Variants in SH3BGR observed in about 807,000 individuals in gnomAD.
SH3BGR encodes the protein SH3 domain-binding glutamic acid-rich protein.
Under a neutral mutation model 24.5 loss-of-function variants are expected in SH3BGR, and 29 were observed. That is an observed-to-expected ratio of 1.18 (90% confidence interval 0.88 to 1.61). The LOEUF is 1.61. Among genes scored for constraint, SH3BGR ranks in the 40% most tolerant of loss-of-function variants. SH3BGR has a pLI of 0.00. For missense variants in SH3BGR, 162 were observed against 205.8 expected (o/e 0.79, Z 1.30); for synonymous variants, 55 against 65.7 (o/e 0.84, Z 0.79).
At chr21:39,453,780 GA>G (rs1254851235) in intron 1 of SH3BGR, among the ~76,000 whole-genome samples, 2 of 152,222 alleles carry the variant, frequency 1.3e-5, no homozygotes, top group African/African-American at 4.8e-5. Flanking sequence ...ATGAGGATAA[GA>G]ATAGTGCCTA....
At chr21:39,510,728 A>T (rs2078672976) in intron 5 of SH3BGR, among the ~76,000 whole-genome samples, 1 of 151,740 alleles carries the variant, frequency 6.6e-6, no homozygotes. Flanking sequence ...ATAGAATTTT[A>T]AAAATAAGAT....
At chr21:39,487,769 C>T (rs902032147) in intron 3 of SH3BGR, among the ~76,000 whole-genome samples, 13 of 152,134 alleles carry the variant, frequency 8.5e-5, no homozygotes, top group African/African-American at 2.7e-4. Context: ...ATTCATTTTC[C>T]GGTATCACTA....
At chr21:39,448,449 C>G (rs555301556), upstream of SH3BGR, among the ~76,000 whole-genome samples, 1 of 152,186 alleles carries the variant, frequency 6.6e-6, no homozygotes, top group African/African-American at 2.4e-5. Context: ...AGCCCAGTAC[C>G]TCATGTCTTT....
intron 3 of SH3BGR, among the ~76,000 whole-genome samples, chr21:39,476,835 C>T (rs756708923): frequency 3.9e-5 from 6 of 152,124 alleles, no homozygotes; most frequent in Non-Finnish European, 7.4e-5. Context: ...AATTTTCTAT[C>T]CTTGGTCAAT....
intron 2 of SH3BGR, among the ~76,000 whole-genome samples, chr21:39,465,308 C>T (rs1273889349): frequency 6.6e-6 from 1 of 152,178 alleles, no homozygotes; most frequent in Non-Finnish European, 1.5e-5. Context: ...CACAGGAGGG[C>T]TCTGTACTTG....
intron 3 of SH3BGR, chr21:39,491,461 A>AT (rs2078298460): frequency 1.1e-5 from 2 of 178,610 alleles, no homozygotes; most frequent in South Asian, 1.0e-4. Flanking sequence ...CCCCATTTCA[A>AT]TTTTTATTAT....
chr21:39,455,904 G>C lies in SH3BGR; in HGVS notation c.45+3763G>C, dbSNP rs544080269. Among the ~76,000 whole-genome samples the C allele has an allele frequency of 1.5e-3, 230 of 152,224 alleles. 1 individual carries two copies. The highest frequency in any genetic ancestry group is 5.4e-3 in the African/African-American group (223 of 41,542). On this transcript the variant is annotated intron_variant, in intron 1 of 6. Transcript: ENST00000333634. ...TCTTTTTCTCCTTTTTTGGGGATGA[G>C]GGCTGAGAAATGGCACTTAACACAA...
At chr21:39,495,206 T>C (rs527826545) in intron 3 of SH3BGR, among the ~76,000 whole-genome samples, 46 of 152,156 alleles carry the variant, frequency 3.0e-4, no homozygotes, top group African/African-American at 1.0e-3. Context: ...TCATTGGTTG[T>C]TTTTTTCTCT....
intron 4 of SH3BGR, among the ~76,000 whole-genome samples, chr21:39,507,464 GC>G (rs1459271243): frequency 1.3e-5 from 2 of 152,018 alleles, no homozygotes; most frequent in Non-Finnish European, 2.9e-5. Context: ...CTCCCAAGTA[GC>G]TGGGATTACA....
intron 5 of SH3BGR, among the ~76,000 whole-genome samples, chr21:39,510,333 C>T (rs1364002539): frequency 6.6e-6 from 1 of 151,456 alleles, no homozygotes; most frequent in African/African-American, 2.4e-5. Flanking sequence ...GCTTTTAACC[C>T]TCGTTACCCA....
At chr21:39,498,713 C>T (rs1222315308) in intron 3 of SH3BGR, among the ~76,000 whole-genome samples, 1 of 152,160 alleles carries the variant, frequency 6.6e-6, no homozygotes, top group Admixed American at 6.5e-5. Flanking sequence ...CCATCGTCCC[C>T]ATGCCCGTTT....
chr21:39,502,324 A>G (rs1940639909), intron 4 of SH3BGR, among the ~76,000 whole-genome samples: 1 of 152,206 alleles, frequency 6.6e-6, no homozygotes, highest in African/African-American at 2.4e-5. Context: ...AGTATGAGAC[A>G]CATCCTAGTA....
At chr21:39,460,498 T>G (rs1378922908) in intron 1 of SH3BGR, among the ~76,000 whole-genome samples, 1 of 152,196 alleles carries the variant, frequency 6.6e-6, no homozygotes, top group African/African-American at 2.4e-5. Flanking sequence ...AAAATTTTTT[T>G]TGAGACAGAG....
At chr21:39,449,684 G>C (rs956404984), upstream of SH3BGR, among the ~76,000 whole-genome samples, 15 of 152,194 alleles carry the variant, frequency 9.9e-5, no homozygotes, top group African/African-American at 3.6e-4. Flanking sequence ...CTAGGAATTT[G>C]AGGGTAGCAT....
chr21:39,494,231 CTCT>C (rs535727987), intron 3 of SH3BGR, among the ~76,000 whole-genome samples: 10 of 145,454 alleles, frequency 6.9e-5, no homozygotes, highest in East Asian at 4.0e-4. Flanking sequence ...AGTCTTCTTC[CTCT>C]TCTTCTTCTT....
intron 1 of SH3BGR, among the ~76,000 whole-genome samples, chr21:39,453,187 C>A (rs1050114593): frequency 1.1e-4 from 17 of 152,252 alleles, no homozygotes; most frequent in African/African-American, 3.9e-4. Context: ...ATGAGGTTTC[C>A]AGAGAGGGTG....
At chr21:39,454,975 T>G (rs1305963252) in intron 1 of SH3BGR, among the ~76,000 whole-genome samples, 1 of 152,178 alleles carries the variant, frequency 6.6e-6, no homozygotes, top group Admixed American at 6.5e-5. Context: ...AGTTTGCAGA[T>G]GAAGAAATTG....
At chr21:39,482,818 C>T (rs368137252) in intron 3 of SH3BGR, among the ~76,000 whole-genome samples, 141 of 152,204 alleles carry the variant, frequency 9.3e-4, no homozygotes, top group African/African-American at 3.1e-3. Flanking sequence ...TACCCGTGCC[C>T]GCCACCACGC....
intron 5 of SH3BGR, among the ~76,000 whole-genome samples, chr21:39,510,511 TCTC>T (rs1479147270): frequency 6.6e-6 from 1 of 151,042 alleles, no homozygotes; most frequent in Admixed American, 6.6e-5. Context: ...ACTCTTGTAG[TCTC>T]CTTTTTTTTC....
Sources: allele counts gnomAD v4.1 joint callset (sites outside exome capture counted in the v4.1 genomes callset), GRCh38; gene constraint gnomAD v4.1.1; transcripts MANE v1.5; gene names NCBI Gene and HGNC (gene_info 2026-07-23, HGNC 2026-07-21).